ZMAT4: variants seen among roughly 807,000 people sequenced by gnomAD.
ZMAT4 encodes zinc finger matrin-type protein 4.
A neutral mutation model predicts 28.7 loss-of-function variants in ZMAT4; 17 were observed. That is an observed-to-expected ratio of 0.59 (90% confidence interval 0.41 to 0.89). ZMAT4 has a LOEUF of 0.89. Among genes scored for constraint, ZMAT4 ranks in the 40% least tolerant of loss-of-function variants. The pLI, the probability that ZMAT4 is intolerant of heterozygous loss-of-function variation, is 0.00. For synonymous variants in ZMAT4, 117 were observed against 109.2 expected (o/e 1.07, Z -0.44); for missense variants, 240 against 283.8 (o/e 0.85, Z 1.11).
intron 6 of ZMAT4, among the ~76,000 whole-genome samples, chr8:40,571,947 G>C (rs964379389): frequency 6.6e-6 from 1 of 152,026 alleles, no homozygotes; most frequent in African/African-American, 2.4e-5. Context: ...TGGGTTTCTT[G>C]GTTAATATCA....
intron 6 of ZMAT4, among the ~76,000 whole-genome samples, chr8:40,575,332 C>A (rs919498): frequency 6.6e-6 from 1 of 152,124 alleles, no homozygotes; most frequent in South Asian, 2.1e-4. Context: ...AGATACAGCC[C>A]TGAGAAGCCC....
At chr8:40,797,769 CA>C (rs1325639520) in intron 2 of ZMAT4, among the ~76,000 whole-genome samples, 1 of 152,180 alleles carries the variant, frequency 6.6e-6, no homozygotes, top group Non-Finnish European at 1.5e-5. Flanking sequence ...GCTTATCAGG[CA>C]GGGGATCTGT....
At chr8:40,797,414 T>TG (rs1312711494) in intron 2 of ZMAT4, among the ~76,000 whole-genome samples, 1 of 152,226 alleles carries the variant, frequency 6.6e-6, no homozygotes, top group Non-Finnish European at 1.5e-5. Flanking sequence ...GCTCAGTGCT[T>TG]GGCACATTCT....
chr8:40,601,664 GA>G (rs1249753518), intron 5 of ZMAT4, among the ~76,000 whole-genome samples: 1 of 29,824 alleles, frequency 3.4e-5, no homozygotes, highest in East Asian at 1.6e-3. Flanking sequence ...AAGAAAGAAA[GA>G]AAGAAAGAAA....
intron 5 of ZMAT4, among the ~76,000 whole-genome samples, chr8:40,590,850 C>G (rs1305147014): frequency 1.3e-5 from 2 of 152,014 alleles, no homozygotes; most frequent in Non-Finnish European, 2.9e-5. Context: ...TGTTTGATTA[C>G]TTAGATATTA....
At chr8:40,553,121 C>T (rs549940590) in intron 6 of ZMAT4, among the ~76,000 whole-genome samples, 66 of 152,188 alleles carry the variant, frequency 4.3e-4, no homozygotes, top group Admixed American at 2.6e-3. Flanking sequence ...CTTGGACTGG[C>T]CACCCTGGAA....
intron 3 of ZMAT4, among the ~76,000 whole-genome samples, chr8:40,765,241 C>T (rs754122313): frequency 6.6e-6 from 1 of 151,788 alleles, no homozygotes; most frequent in Non-Finnish European, 1.5e-5. Flanking sequence ...TTCAGTCTCT[C>T]AATTCTTAGG....
At chr8:40,556,007 G>A (rs954859656) in intron 6 of ZMAT4, among the ~76,000 whole-genome samples, 14 of 152,062 alleles carry the variant, frequency 9.2e-5, no homozygotes, top group African/African-American at 3.4e-4. Flanking sequence ...ACTGCCAATG[G>A]TCCCCCACCT....
At chr8:40,538,988 G>A (rs767478494) in intron 6 of ZMAT4, among the ~76,000 whole-genome samples, 1 of 152,024 alleles carries the variant, frequency 6.6e-6, no homozygotes, top group Non-Finnish European at 1.5e-5. Context: ...GGTTCACCAT[G>A]TTAGCCAGGC....
chr8:40,701,338 G>A (rs1810134984), intron 3 of ZMAT4, among the ~76,000 whole-genome samples: 1 of 152,018 alleles, frequency 6.6e-6, no homozygotes, highest in African/African-American at 2.4e-5. Flanking sequence ...TTAGGTACCT[G>A]ACAATAGAGG....
chr8:40,536,370 T>C (rs1315400969), intron 6 of ZMAT4, among the ~76,000 whole-genome samples: 1 of 152,214 alleles, frequency 6.6e-6, no homozygotes, highest in African/African-American at 2.4e-5. Context: ...GTTTTCTATC[T>C]GGGATGTTTG....
intron 3 of ZMAT4, among the ~76,000 whole-genome samples, chr8:40,741,869 T>C (rs1812017815): frequency 6.6e-6 from 1 of 152,144 alleles, no homozygotes; most frequent in Non-Finnish European, 1.5e-5. Context: ...TCCATCAATA[T>C]AACACCAAAC....
intron 2 of ZMAT4, among the ~76,000 whole-genome samples, chr8:40,777,509 A>C (rs1813648449): frequency 6.6e-6 from 1 of 152,184 alleles, no homozygotes; most frequent in Non-Finnish European, 1.5e-5. Flanking sequence ...TTCCTACCGA[A>C]AGCACTGGTG....
chr8:40,762,816 A>G (rs1320608184), intron 3 of ZMAT4, among the ~76,000 whole-genome samples: 1 of 152,226 alleles, frequency 6.6e-6, no homozygotes, highest in East Asian at 1.9e-4. Flanking sequence ...TTTCACACTT[A>G]TAGCCACCAG....
intron 6 of ZMAT4, among the ~76,000 whole-genome samples, chr8:40,571,342 G>A (rs889339914): frequency 2.6e-5 from 4 of 152,128 alleles, no homozygotes; most frequent in South Asian, 2.1e-4. Flanking sequence ...CTATGTATTA[G>A]TGCTGTAGAT....
chr8:40,727,389 A>G (rs754444246), intron 3 of ZMAT4, among the ~76,000 whole-genome samples: 1 of 152,238 alleles, frequency 6.6e-6, no homozygotes, highest in Non-Finnish European at 1.5e-5. Context: ...TTCAGTAGCC[A>G]GAATAGCACC....
rs148424349 is a variant in ZMAT4, at chr8:40,636,171, G to A, written c.577+38533C>T. Among the ~76,000 whole-genome samples, 688 of 152,330 alleles carry A rather than the reference G, an allele frequency of 4.5e-3. 2 individuals carry two copies. Among genetic ancestry groups the A allele is most frequent in the Non-Finnish European group, 7.6e-3 (517 of 68,026 alleles). On this transcript the variant is annotated intron_variant, in intron 5 of 6. Coordinates refer to ENST00000297737, the MANE Select transcript of ZMAT4 (RefSeq NM_024645.3). ...TTTAATTCAGTGGACGTGAGAAAAT[G>A]TCTTAGAAATGTGAGATTGCGTAAG...
chr8:40,816,309 C>T (rs572751842), intron 2 of ZMAT4, among the ~76,000 whole-genome samples: 58 of 152,308 alleles, frequency 3.8e-4, no homozygotes, highest in Admixed American at 1.7e-3. Context: ...TCAGAAGCCT[C>T]TGCCAGCCCG....
At chr8:40,892,873 T>G (rs924935727) in intron 1 of ZMAT4, among the ~76,000 whole-genome samples, 5 of 152,236 alleles carry the variant, frequency 3.3e-5, no homozygotes, top group African/African-American at 1.2e-4. Flanking sequence ...AGGGCACAGA[T>G]GCCTGCACTC....
Sources: gnomAD v4.1 joint callset for allele counts (sites outside exome capture counted in the v4.1 genomes callset) on GRCh38, gnomAD v4.1.1 for gene constraint, MANE v1.5 for transcripts, NCBI Gene and HGNC (gene_info 2026-07-23, HGNC 2026-07-21) for gene names.